Variants in AGAP1 observed in about 807,000 individuals in gnomAD.
AGAP1 encodes the protein ArfGAP with GTPase domain, ankyrin repeat and PH domain 1, also known as arf-GAP with GTPase, ANK repeat and PH domain-containing protein 1.
Under a neutral mutation model 105.3 loss-of-function variants are expected in AGAP1, and 29 were observed. That is an observed-to-expected ratio of 0.28 (90% confidence interval 0.21 to 0.38). AGAP1 has a LOEUF of 0.38. AGAP1 is among the 10% of genes least tolerant of loss of function. The pLI is 1.00. For missense variants in AGAP1, 998 were observed against 1,165.1 expected (o/e 0.86, Z 2.09); for synonymous variants, 509 against 485.9 (o/e 1.05, Z -0.63).
At chr2:236,065,681 G>A (rs755520392) in intron 16 of AGAP1, among the ~76,000 whole-genome samples, 1 of 152,168 alleles carries the variant, frequency 6.6e-6, no homozygotes, top group Non-Finnish European at 1.5e-5. Context: ...CATTGTTGCC[G>A]GAACACATCA....
In AGAP1 at chr2:236,019,978, C is replaced by T. The variant is rs571638889; in HGVS notation, c.1646-16583C>T. 3.8e-4 allele frequency among the ~76,000 whole-genome samples: 58 copies of T among 152,368 alleles called. 1 individual carries two copies. The highest frequency in any genetic ancestry group is 1.3e-3 in the African/African-American group (56 of 41,594). On this transcript the variant is annotated intron_variant, in intron 13 of 17. Transcript: ENST00000304032. ...AGCATTCTCCAGGCTCAGATGGGTT[C>T]TCTTTCACACTGAATCACTGCTCTT... is the stretch of plus-strand genomic sequence containing the variant.
At chr2:235,876,240 A>T (rs983760572) in intron 9 of AGAP1, among the ~76,000 whole-genome samples, 3 of 152,226 alleles carry the variant, frequency 2.0e-5, no homozygotes, top group African/African-American at 7.2e-5. Flanking sequence ...TTTTAGAAAT[A>T]TTTAAAATAA....
rs1944437041 is a variant in AGAP1 at position 235,569,061 on chromosome 2, T to G, written c.163+74212T>G. On this transcript the variant is annotated intron_variant, in intron 1 of 17. Transcript: ENST00000304032. This position sits in a 1 kb window ranked among gnomAD's most constrained non-coding sequence, Gnocchi z 5.9. Reference sequence around the variant, plus strand: ...CAGCGTATTCATAGGTTCTGGGTGTTGGGACATGGACATTTTGGGGGACCC... The same window carrying G: ...CAGCGTATTCATAGGTTCTGGGTGTGGGGACATGGACATTTTGGGGGACCC... Among the ~76,000 whole-genome samples the G allele has an allele frequency of 6.6e-6, 1 of 152,232 alleles. No homozygotes were observed. Among genetic ancestry groups the G allele is most frequent in the South Asian group, 2.1e-4 (1 of 4,838 alleles).
At chr2:235,520,540 G>A (rs560020085) in intron 1 of AGAP1, among the ~76,000 whole-genome samples, 2 of 152,230 alleles carry the variant, frequency 1.3e-5, no homozygotes, top group East Asian at 3.9e-4. Flanking sequence ...CTCCTTTCTG[G>A]GCGGGTCTGT....
intron 9 of AGAP1, among the ~76,000 whole-genome samples, chr2:235,814,330 T>A (rs1387268272): frequency 2.6e-5 from 4 of 152,206 alleles, no homozygotes; most frequent in Admixed American, 2.0e-4. Context: ...CTTTAAAAGT[T>A]GAACAGTGGT....
At chr2:235,711,974 T>C (rs140701442) in intron 2 of AGAP1, among the ~76,000 whole-genome samples, 2 of 152,316 alleles carry the variant, frequency 1.3e-5, no homozygotes, top group Non-Finnish European at 2.9e-5. Flanking sequence ...AAAAATTCAA[T>C]GTTCGCTTTC....
chr2:235,740,826 C>A lies in AGAP1; in HGVS notation c.311-137C>A. ...CGGCTCTGTTAAAATTCAGCATTTG[C>A]TGGCAACATCCTAAATACTCAGTTG... On this transcript the variant is annotated intron_variant, in intron 3 of 17. Coordinates refer to ENST00000304032, the MANE Select transcript of AGAP1 (RefSeq NM_001037131.3). This position sits in a 1 kb window ranked among gnomAD's most constrained non-coding sequence, Gnocchi z 5.7. 2.2e-6 allele frequency: 2 copies of A among 916,520 alleles called. No homozygotes were observed. The highest frequency in any genetic ancestry group is 1.9e-5 in the South Asian group (1 of 52,154). 56.8% of individuals were successfully genotyped at this position (916,520 alleles called of 1,614,324 possible).
At chr2:235,774,154 A>T (rs1377063573) in intron 6 of AGAP1, 1 of 380,352 alleles carries the variant, frequency 2.6e-6, no homozygotes, top group African/African-American at 2.1e-5. Context: ...AATTCAACTC[A>T]TAAATAAATG....
In AGAP1 at chr2:235,720,439, A is replaced by AC. The variant is rs1951323668; in HGVS notation, c.310+2798dup. ...GGCCCAGCCTCACCTGTGGTTACTT[A>AC]CCCACACAAAGGTGAGGGCACTCCC... On this transcript the variant is annotated intron_variant, in intron 3 of 17. Coordinates refer to ENST00000304032, the MANE Select transcript of AGAP1 (RefSeq NM_001037131.3). This position sits in a 1 kb window ranked among gnomAD's most constrained non-coding sequence, Gnocchi z 5.0. Among the ~76,000 whole-genome samples the AC allele has an allele frequency of 6.6e-6, 1 of 151,970 alleles. No homozygotes were observed. The highest frequency in any genetic ancestry group is 2.4e-5 in the African/African-American group (1 of 41,362).
In AGAP1 at chr2:235,951,252, A is replaced by G. The variant is rs1337963821; in HGVS notation, c.1484-17210A>G. ...GCAGTTGCGGATGAAGATGCTCACG[A>G]GTGGAGGTGTTGGTGGAGATAGTTA... On this transcript the variant is annotated intron_variant, in intron 12 of 17. Transcript: ENST00000304032. This position sits in a 1 kb window ranked among gnomAD's most constrained non-coding sequence, Gnocchi z 4.2. Among the ~76,000 whole-genome samples the G allele has an allele frequency of 2.0e-5, 3 of 152,150 alleles. No homozygotes were observed. The highest frequency in any genetic ancestry group is 7.2e-5 in the African/African-American group (3 of 41,438).
At position 236,102,417 on chromosome 2, in the gene AGAP1, C is replaced by CAA. The variant is rs34989933; in HGVS notation, c.2115-17756_2115-17755dup. Among the ~76,000 whole-genome samples, 578 of 66,106 alleles carry CAA rather than the reference C, an allele frequency of 8.7e-3. 26 individuals carry two copies. Among genetic ancestry groups the CAA allele is most frequent in the African/African-American group, 0.023 (374 of 16,188 alleles). The allele number at this position is 66,106 out of a possible 152,430, so 43.4% of individuals were successfully genotyped here. A position where few individuals can be genotyped will look rare whatever the true frequency, so the allele number is the denominator to read the frequency against. ...TGGGCGACAGAGCGAGACTCCATCT[C>CAA]AAAAAAAAAAAAAAAAAAAAGTTAG... is the stretch of plus-strand genomic sequence containing the variant. On this transcript the variant is annotated intron_variant, in intron 16 of 17. Coordinates refer to ENST00000304032, the MANE Select transcript of AGAP1 (RefSeq NM_001037131.3).
At chr2:235,910,639 C>G (rs1416699955) in intron 11 of AGAP1, among the ~76,000 whole-genome samples, 1 of 152,128 alleles carries the variant, frequency 6.6e-6, no homozygotes, top group South Asian at 2.1e-4. Context: ...ATCTATAGGC[C>G]AGGTGCAGTG....
In AGAP1 at chr2:235,957,086, G is replaced by T. The variant is rs116605310; in HGVS notation, c.1484-11376G>T. 6.7e-3 allele frequency among the ~76,000 whole-genome samples: 1,022 copies of T among 152,244 alleles called. 11 individuals carry two copies. Among genetic ancestry groups the T allele is most frequent in the African/African-American group, 0.023 (965 of 41,530 alleles). On this transcript the variant is annotated intron_variant, in intron 12 of 17. Transcript: ENST00000304032. The surrounding 1 kb of genome is among the most constrained non-coding windows in gnomAD (Gnocchi z 4.6). ...AGTTTTTAGTATCTCACAGATACCT[G>T]CAACCATCACCACAGTCAATCTCAG...
intron 13 of AGAP1, among the ~76,000 whole-genome samples, chr2:235,978,452 T>C (rs996941397): frequency 1.5e-4 from 23 of 152,188 alleles, no homozygotes; most frequent in African/African-American, 3.6e-4. Flanking sequence ...AAGAACACCA[T>C]GGATTTACTG....
intron 15 of AGAP1, among the ~76,000 whole-genome samples, chr2:236,043,093 A>G (rs946577433): frequency 6.6e-6 from 1 of 152,262 alleles, no homozygotes; most frequent in Non-Finnish European, 1.5e-5. Context: ...CAGAAGATGT[A>G]GCACATTGGC....
intron 10 of AGAP1, among the ~76,000 whole-genome samples, chr2:235,907,441 A>C (rs1055407809): frequency 7.2e-5 from 11 of 152,190 alleles, no homozygotes; most frequent in African/African-American, 2.7e-4. Flanking sequence ...CCTCATCTCT[A>C]AAAAAATTAA....
intron 1 of AGAP1, among the ~76,000 whole-genome samples, chr2:235,548,835 G>A (rs1943711657): frequency 6.6e-6 from 1 of 152,174 alleles, no homozygotes; most frequent in South Asian, 2.1e-4. Context: ...GGGGTGCTCT[G>A]GGACGTGGGT....
chr2:235,498,132 A>G (rs1278593396), intron 1 of AGAP1, among the ~76,000 whole-genome samples: 2 of 152,186 alleles, frequency 1.3e-5, no homozygotes, highest in Non-Finnish European at 2.9e-5. Context: ...TGGACTAAAC[A>G]TATTTTAGTT....
At chr2:235,651,896 A>G (rs1215531081) in intron 1 of AGAP1, among the ~76,000 whole-genome samples, 3 of 152,214 alleles carry the variant, frequency 2.0e-5, no homozygotes, top group Non-Finnish European at 2.9e-5. Flanking sequence ...ATATAAAGGC[A>G]GCAGGGCACC....
Sources: allele counts gnomAD v4.1 joint callset (sites outside exome capture counted in the v4.1 genomes callset), GRCh38; gene constraint gnomAD v4.1.1; non-coding constraint Gnocchi (gnomAD v3.1); transcripts MANE v1.5; gene names NCBI Gene and HGNC (gene_info 2026-07-23, HGNC 2026-07-21).